PRKCA: variants seen among roughly 807,000 people sequenced by gnomAD.
PRKCA encodes protein kinase C alpha, also known as protein kinase C alpha type.
PRKCA carries 27 observed loss-of-function variants against 87.0 expected under a neutral mutation model. The observed-to-expected ratio is 0.31, with a 90% CI of 0.23 to 0.43. PRKCA has a LOEUF of 0.43. Among genes scored for constraint, PRKCA ranks in the 20% least tolerant of loss-of-function variants. PRKCA has a pLI of 1.00. For missense variants in PRKCA, 518 were observed against 852.3 expected, an observed-to-expected ratio of 0.61 and a Z score of 4.88; for synonymous variants, 329 against 311.1, an observed-to-expected ratio of 1.06 and a Z score of -0.61.
At chr17:66,322,529 C>T (rs1473770133) in intron 2 of PRKCA, among the ~76,000 whole-genome samples, 3 of 152,074 alleles carry the variant, frequency 2.0e-5, no homozygotes, top group Admixed American at 2.0e-4. Flanking sequence ...GTGGTACAAT[C>T]CTAGCTCACT....
chr17:66,641,476 T>C lies in PRKCA; in HGVS notation c.400+10T>C, dbSNP rs1971295370. 6.3e-7 allele frequency: 1 copy of C among 1,593,838 alleles called. No homozygotes were observed. On this transcript the variant is annotated intron_variant, in intron 4 of 16. Transcript: ENST00000413366. ...GGGATGAAATGTGACAGTAAGTAAG[T>C]TTTCTTTTCCAGTTCATAGCGAGGC...
chr17:66,669,145 T>C (rs574405750), intron 5 of PRKCA, among the ~76,000 whole-genome samples: 2 of 151,096 alleles, frequency 1.3e-5, no homozygotes, highest in African/African-American at 2.4e-5. Flanking sequence ...AGGAACATAA[T>C]GCCATTTGAA....
chr17:66,563,139 C>A (rs1469031292), intron 3 of PRKCA, among the ~76,000 whole-genome samples: 1 of 152,068 alleles, frequency 6.6e-6, no homozygotes, highest in East Asian at 1.9e-4. Flanking sequence ...TTATTAACAT[C>A]TTGCATTAAT....
intron 2 of PRKCA, among the ~76,000 whole-genome samples, chr17:66,493,665 G>A (rs957810304): frequency 6.6e-6 from 1 of 152,006 alleles, no homozygotes; most frequent in Non-Finnish European, 1.5e-5. Flanking sequence ...TATAGATATT[G>A]CAGCATATTA....
chr17:66,423,733 A>C (rs1156373313), intron 2 of PRKCA, among the ~76,000 whole-genome samples: 1 of 152,190 alleles, frequency 6.6e-6, no homozygotes, highest in East Asian at 1.9e-4. Flanking sequence ...TGCAGTAAAA[A>C]ATATTTAAAG....
chr17:66,530,816 G>A (rs190761628), intron 3 of PRKCA, among the ~76,000 whole-genome samples: 8 of 152,016 alleles, frequency 5.3e-5, no homozygotes, highest in East Asian at 3.9e-4. Flanking sequence ...GCTTCCCTGC[G>A]TTTCAGAGGT....
chr17:66,608,107 GAGCACACCGACTGA>G (rs564044906), intron 3 of PRKCA, among the ~76,000 whole-genome samples: 31 of 151,976 alleles, frequency 2.0e-4, no homozygotes, highest in Non-Finnish European at 4.3e-4. Flanking sequence ...ACACCGATTG[GAGCACACCGACTGA>G]AGCACACCGA....
chr17:66,391,829 G>A (rs904524170), intron 2 of PRKCA, among the ~76,000 whole-genome samples: 13 of 152,156 alleles, frequency 8.5e-5, no homozygotes, highest in East Asian at 1.9e-4. Context: ...TCCCCTGTGT[G>A]CACACACACA....
chr17:66,339,573 C>T (rs1220324327), intron 2 of PRKCA, among the ~76,000 whole-genome samples: 1 of 152,078 alleles, frequency 6.6e-6, no homozygotes, highest in Non-Finnish European at 1.5e-5. Context: ...AGTTTTTATT[C>T]TGTTCATTTT....
chr17:66,541,112 A>G (rs1967971631), intron 3 of PRKCA, among the ~76,000 whole-genome samples: 1 of 152,190 alleles, frequency 6.6e-6, no homozygotes, highest in Admixed American at 6.5e-5. Flanking sequence ...TAGACTCTCA[A>G]ATGAGTCTAT....
chr17:66,472,131 T>C (rs1196011720), intron 2 of PRKCA, among the ~76,000 whole-genome samples: 1 of 152,286 alleles, frequency 6.6e-6, no homozygotes, highest in Non-Finnish European at 1.5e-5. Context: ...ACCTGGCTAA[T>C]TTTTTAAATT....
chr17:66,347,861 T>A (rs1907486931), intron 2 of PRKCA, among the ~76,000 whole-genome samples: 1 of 150,604 alleles, frequency 6.6e-6, no homozygotes, highest in Non-Finnish European at 1.5e-5. Flanking sequence ...AGAGAGTGGC[T>A]GCTCAGCTCA....
chr17:66,777,967 A>G, intron 14 of PRKCA: 2 of 985,058 alleles, frequency 2.0e-6, no homozygotes, highest in South Asian at 4.7e-5. Flanking sequence ...CTGGCAGAGA[A>G]GTCCCCTTTG....
intron 5 of PRKCA, among the ~76,000 whole-genome samples, chr17:66,680,503 G>A (rs1312300813): frequency 6.6e-6 from 1 of 152,208 alleles, no homozygotes; most frequent in Non-Finnish European, 1.5e-5. Flanking sequence ...ATTTCCTAAA[G>A]CAAAACAGAT....
At chr17:66,690,597 A>G (rs1972752579) in intron 8 of PRKCA, among the ~76,000 whole-genome samples, 1 of 152,060 alleles carries the variant, frequency 6.6e-6, no homozygotes, top group African/African-American at 2.4e-5. Context: ...CTTTGGGAGG[A>G]TGAGGCAGGC....
At chr17:66,651,676 G>A (rs910539420) in intron 5 of PRKCA, among the ~76,000 whole-genome samples, 2 of 152,190 alleles carry the variant, frequency 1.3e-5, no homozygotes, top group Non-Finnish European at 2.9e-5. Flanking sequence ...GATCAGGAAC[G>A]TAGATGGTGA....
In PRKCA at chr17:66,346,962, C is replaced by T. The variant is rs149576724; in HGVS notation, c.205+40835C>T. Among the ~76,000 whole-genome samples, 570 of 150,824 alleles carry T rather than the reference C, an allele frequency of 3.8e-3. 4 individuals carry two copies. The highest frequency in any genetic ancestry group is 0.014 in the African/African-American group (554 of 40,970). ...AGGAGAATCACTTGAACGCGGGAGG[C>T]GGAGGTTGCAGGGAGCCAAGATCAT... On this transcript the variant is annotated intron_variant, in intron 2 of 16. Coordinates refer to ENST00000413366, the MANE Select transcript of PRKCA (RefSeq NM_002737.3).
intron 2 of PRKCA, among the ~76,000 whole-genome samples, chr17:66,337,106 A>C (rs1906745993): frequency 1.3e-5 from 2 of 151,902 alleles, no homozygotes; most frequent in African/African-American, 4.8e-5. Flanking sequence ...TGCCTTCTTT[A>C]TTGATGTAGG....
At chr17:66,352,314 G>C (rs926244779) in intron 2 of PRKCA, among the ~76,000 whole-genome samples, 8 of 152,114 alleles carry the variant, frequency 5.3e-5, no homozygotes, top group African/African-American at 1.7e-4. Context: ...TCTTCCTGAG[G>C]CCTGGAGGCT....
Sources: gnomAD v4.1 joint callset for allele counts (sites outside exome capture counted in the v4.1 genomes callset) on GRCh38, gnomAD v4.1.1 for gene constraint, MANE v1.5 for transcripts, NCBI Gene and HGNC (gene_info 2026-07-23, HGNC 2026-07-21) for gene names.